Variants in PPP1R9A observed in about 807,000 individuals in gnomAD.
PPP1R9A encodes neurabin-1.
In PPP1R9A, 59 loss-of-function variants were observed where a neutral mutation model predicts 141.9. The ratio of observed to expected loss-of-function variants is 0.42; its 90% CI spans 0.34 to 0.52. The LOEUF is 0.52. Among genes scored for constraint, PPP1R9A ranks in the 20% least tolerant of loss-of-function variants. The pLI is 0.10. For synonymous variants in PPP1R9A, 500 were observed against 569.7 expected (o/e 0.88, Z 1.74); for missense variants, 1,444 against 1,611.9 (o/e 0.90, Z 1.78).
intron 2 of PPP1R9A, among the ~76,000 whole-genome samples, chr7:94,926,376 A>G (rs1793490766): frequency 6.6e-6 from 1 of 152,160 alleles, no homozygotes; most frequent in African/African-American, 2.4e-5. Flanking sequence ...ATGGAAGCTG[A>G]AGGGGAGAGT....
intron 7 of PPP1R9A, among the ~76,000 whole-genome samples, chr7:95,210,719 T>G (rs1240101395): frequency 6.6e-6 from 1 of 152,050 alleles, no homozygotes. Flanking sequence ...GCAGCACTAT[T>G]CACAATAGCA....
chr7:95,273,190 C>G (rs550286539), intron 14 of PPP1R9A, among the ~76,000 whole-genome samples: 1 of 152,296 alleles, frequency 6.6e-6, no homozygotes, highest in Non-Finnish European at 1.5e-5. Context: ...AAAGATCAGT[C>G]TGCTCTGAAC....
At chr7:94,986,341 T>A (rs990140933) in intron 2 of PPP1R9A, among the ~76,000 whole-genome samples, 1 of 152,140 alleles carries the variant, frequency 6.6e-6, no homozygotes, top group African/African-American at 2.4e-5. Context: ...CATGCTTCTC[T>A]GCAACATGGA....
At chr7:94,941,211 A>G (rs1022880635) in intron 2 of PPP1R9A, among the ~76,000 whole-genome samples, 7 of 152,204 alleles carry the variant, frequency 4.6e-5, no homozygotes, top group Non-Finnish European at 1.0e-4. Flanking sequence ...AAGCTGTTGC[A>G]GAGATCAAAC....
intron 2 of PPP1R9A, among the ~76,000 whole-genome samples, chr7:94,939,243 GAATTA>G (rs1240283311): frequency 6.6e-6 from 1 of 152,032 alleles, no homozygotes; most frequent in East Asian, 1.9e-4. Context: ...GTTGTTTTGG[GAATTA>G]AATTAATATG....
intron 4 of PPP1R9A, among the ~76,000 whole-genome samples, chr7:95,142,707 A>G (rs1826926934): frequency 2.0e-5 from 3 of 152,070 alleles, no homozygotes. Flanking sequence ...TAATTTTTTT[A>G]ATGAGTGATA....
At chr7:95,030,198 C>G (rs1807466084) in intron 2 of PPP1R9A, among the ~76,000 whole-genome samples, 2 of 152,162 alleles carry the variant, frequency 1.3e-5, no homozygotes, top group South Asian at 2.1e-4. Flanking sequence ...ATATCCTCAT[C>G]TGTGAAATAG....
chr7:95,142,264 A>T (rs1344782969), intron 4 of PPP1R9A, among the ~76,000 whole-genome samples: 7 of 152,090 alleles, frequency 4.6e-5, no homozygotes, highest in African/African-American at 1.4e-4. Flanking sequence ...TTCTTATCAG[A>T]TACATAATAT....
At chr7:95,189,657 C>T (rs376406107) in intron 5 of PPP1R9A, among the ~76,000 whole-genome samples, 2 of 151,780 alleles carry the variant, frequency 1.3e-5, no homozygotes, top group African/African-American at 2.4e-5. Context: ...GGGATGGTCT[C>T]GATCTCCTGA....
In PPP1R9A at chr7:94,943,264, G is replaced by A. The variant is rs568722765; in HGVS notation, c.1395+31756G>A. On this transcript the variant is annotated intron_variant, in intron 2 of 19. Coordinates refer to ENST00000433360, the MANE Select transcript of PPP1R9A (RefSeq NM_001166160.2). ...AGGCCATTAAATATCTCCCCAGAGG[G>A]GTATAGCTTTCTGTCATTATTAAAG... 8.8e-4 allele frequency among the ~76,000 whole-genome samples: 134 copies of A among 152,180 alleles called. 1 individual carries two copies. In the South Asian group the frequency reaches 0.016, roughly 18 times the overall value.
chr7:95,263,731 A>G lies in PPP1R9A; in HGVS notation c.2666-4819A>G, dbSNP rs576667601. Among the ~76,000 whole-genome samples, 62 of 152,220 alleles carry G rather than the reference A, an allele frequency of 4.1e-4. 1 individual carries two copies. ...TACCCGGCCTCTTTCCAGTTTTTCT[A>G]TGCAACTATATGCATATGTTTACCA... On this transcript the variant is annotated intron_variant, in intron 12 of 19. Transcript: ENST00000433360.
chr7:94,980,927 C>G (rs1027434919), intron 2 of PPP1R9A, among the ~76,000 whole-genome samples: 2 of 152,122 alleles, frequency 1.3e-5, no homozygotes, highest in Non-Finnish European at 2.9e-5. Flanking sequence ...CTGTGTGCCA[C>G]GCTCTGAACT....
intron 7 of PPP1R9A, among the ~76,000 whole-genome samples, chr7:95,211,421 C>A (rs1278484828): frequency 6.6e-6 from 1 of 152,190 alleles, no homozygotes; most frequent in Admixed American, 6.5e-5. Flanking sequence ...GTCTTCAATT[C>A]ATAGGTTTTC....
At chr7:95,099,273 T>C (rs1186931470) in intron 2 of PPP1R9A, among the ~76,000 whole-genome samples, 2 of 152,180 alleles carry the variant, frequency 1.3e-5, no homozygotes, top group Non-Finnish European at 2.9e-5. Context: ...CCCCAAATGG[T>C]TGCCAATTGG....
chr7:94,974,789 G>A (rs1248850996), intron 2 of PPP1R9A, among the ~76,000 whole-genome samples: 1 of 152,124 alleles, frequency 6.6e-6, no homozygotes. Flanking sequence ...TTCAGTAGAG[G>A]CACATTAAAA....
At chr7:95,260,177 C>T (rs1445857885) in intron 12 of PPP1R9A, among the ~76,000 whole-genome samples, 1 of 152,126 alleles carries the variant, frequency 6.6e-6, no homozygotes, top group Non-Finnish European at 1.5e-5. Context: ...AAGCAAAGCA[C>T]CTAAATTGCC....
intron 8 of PPP1R9A, among the ~76,000 whole-genome samples, chr7:95,227,158 T>G (rs564098569): frequency 6.6e-6 from 1 of 152,198 alleles, no homozygotes; most frequent in Non-Finnish European, 1.5e-5. Flanking sequence ...AGAATATAAG[T>G]TATCAAGAAA....
intron 4 of PPP1R9A, among the ~76,000 whole-genome samples, chr7:95,157,429 C>G (rs1245220403): frequency 6.6e-6 from 1 of 152,104 alleles, no homozygotes; most frequent in African/African-American, 2.4e-5. Flanking sequence ...CTGCCTCCTC[C>G]AAGGAGGCAG....
chr7:94,909,978 C>T lies in PPP1R9A; in HGVS notation c.-136C>T, dbSNP rs1258641307. 4 of 695,466 alleles carry T rather than the reference C, an allele frequency of 5.8e-6. No homozygotes were observed. Among genetic ancestry groups the T allele is most frequent in the African/African-American group, 5.4e-5 (3 of 55,604 alleles). 43.1% of individuals were successfully genotyped at this position (695,466 alleles called of 1,614,324 possible). On this transcript the variant is annotated 5_prime_UTR_variant, in exon 2 of 20. It adds an upstream start codon to the 5' untranslated region. Transcript: ENST00000433360. Reference sequence around the variant, plus strand: ...TAAGTTCCTAATACACCTGTTGGGACGATCACTGACACCGTATACCATTTG... The same window carrying T: ...TAAGTTCCTAATACACCTGTTGGGATGATCACTGACACCGTATACCATTTG...
Sources: gnomAD v4.1 joint callset for allele counts (sites outside exome capture counted in the v4.1 genomes callset) on GRCh38, gnomAD v4.1.1 for gene constraint, MANE v1.5 for transcripts, NCBI Gene and HGNC (gene_info 2026-07-23, HGNC 2026-07-21) for gene names.